Variants in ATP8A2 observed in about 807,000 individuals in gnomAD.
ATP8A2 encodes the protein ATPase phospholipid transporting 8A2.
A neutral mutation model predicts 165.6 loss-of-function variants in ATP8A2; 100 were observed. The observed-to-expected ratio is 0.60, with a 90% CI of 0.51 to 0.71. ATP8A2 has a LOEUF of 0.71. Among genes scored for constraint, ATP8A2 ranks in the 30% least tolerant of loss-of-function variants. The pLI, the probability that ATP8A2 is intolerant of heterozygous loss-of-function variation, is 0.00. For synonymous variants in ATP8A2, 543 were observed against 548.8 expected (o/e 0.99, Z 0.15); for missense variants, 1,227 against 1,479.5 (o/e 0.83, Z 2.80).
rs2041792690 is a variant in ATP8A2, at chr13:25,650,755, G to T, written c.2212-48418G>T. Among the ~76,000 whole-genome samples the T allele has an allele frequency of 2.0e-5, 3 of 152,008 alleles. No individual in the cohort carries two copies. In the South Asian group the frequency reaches 6.2e-4, roughly 32 times the overall value. ...CCTGTATTTATTGACATGATCTTAT[G>T]GTTTTTCTTTTTTAATCTTTTGATT... On this transcript the variant is annotated intron_variant, in intron 24 of 36. Transcript: ENST00000381655.
intron 30 of ATP8A2, among the ~76,000 whole-genome samples, chr13:25,841,206 G>A (rs1489549168): frequency 1.3e-5 from 2 of 152,222 alleles, no homozygotes; most frequent in Non-Finnish European, 2.9e-5. Flanking sequence ...ACCATGGTCA[G>A]TATTTAAAAG....
At position 25,375,143 on chromosome 13, in the gene ATP8A2, G is replaced by A. The variant is rs562700212; in HGVS notation, c.76+2855G>A. ...TGTGACCATGGGGATCCTCTTGCCCGTATAGTGCTTACAGTCTGCTCAGGG... is the reference window on the plus strand; with the variant it reads ...TGTGACCATGGGGATCCTCTTGCCCATATAGTGCTTACAGTCTGCTCAGGG... On this transcript the variant is annotated intron_variant, in intron 1 of 36. Coordinates refer to ENST00000381655, the MANE Select transcript of ATP8A2 (RefSeq NM_016529.6). 1.4e-3 allele frequency among the ~76,000 whole-genome samples: 210 copies of A among 152,230 alleles called. 1 individual carries two copies. Among genetic ancestry groups the A allele is most frequent in the South Asian group, 0.013 (63 of 4,812 alleles).
At chr13:25,860,977 T>G in intron 32 of ATP8A2, 117 bp downstream of exon 32, 1 of 753,970 alleles carries the variant, frequency 1.3e-6, no homozygotes, top group Non-Finnish European at 2.2e-6. Context: ...TCAGATTTTC[T>G]GTGTAAAAAT....
intron 10 of ATP8A2, among the ~76,000 whole-genome samples, chr13:25,544,910 GT>G (rs5802339): frequency 0.038 from 5,119 of 136,108 alleles, 130 homozygotes; most frequent in African/African-American, 0.074. Context: ...TTATGAGTGA[GT>G]TTTTTTTTTT....
chr13:25,655,840 T>C (rs1305030180), intron 24 of ATP8A2, among the ~76,000 whole-genome samples: 1 of 152,196 alleles, frequency 6.6e-6, no homozygotes, highest in Non-Finnish European at 1.5e-5. Context: ...CTTTAGTGAA[T>C]GGGATACGTA....
chr13:25,690,870 G>GT (rs112940095), intron 24 of ATP8A2, among the ~76,000 whole-genome samples: 15,938 of 152,068 alleles, frequency 0.1, 956 homozygotes, highest in East Asian at 0.26. Flanking sequence ...TAATATAAAC[G>GT]TAAGTCTACA....
At chr13:25,373,836 G>T (rs1293276708) in intron 1 of ATP8A2, among the ~76,000 whole-genome samples, 1 of 152,168 alleles carries the variant, frequency 6.6e-6, no homozygotes, top group African/African-American at 2.4e-5. Context: ...AGTGTGCAAG[G>T]CCAGACATAG....
chr13:25,540,474 A>G (rs923218247), intron 8 of ATP8A2, 86 bp downstream of exon 8: 5 of 985,322 alleles, frequency 5.1e-6, no homozygotes, highest in Non-Finnish European at 6.5e-6. Flanking sequence ...GAGAAATAAA[A>G]TATTCAGCCA....
chr13:25,552,278 C>T (rs766400077), intron 11 of ATP8A2, among the ~76,000 whole-genome samples: 26 of 152,136 alleles, frequency 1.7e-4, no homozygotes, highest in Non-Finnish European at 2.5e-4. Flanking sequence ...TGAGTCACCA[C>T]GCCTGGCCAG....
intron 1 of ATP8A2, among the ~76,000 whole-genome samples, chr13:25,464,584 C>A (rs538153614): frequency 2.3e-4 from 35 of 152,150 alleles, no homozygotes; most frequent in African/African-American, 7.7e-4. Context: ...GTTCCCATGT[C>A]AAAGTTCCCA....
chr13:25,704,881 G>A (rs1382566945), intron 25 of ATP8A2, among the ~76,000 whole-genome samples: 1 of 152,148 alleles, frequency 6.6e-6, no homozygotes, highest in Non-Finnish European at 1.5e-5. Flanking sequence ...TAATATCAGG[G>A]CCTATGCTCT....
At position 25,481,437 on chromosome 13, in the gene ATP8A2, T is replaced by G. The variant is rs368589769; in HGVS notation, c.221+12316T>G. ...TGCATCCTTCATTCCTCCTCCATCC[T>G]GAGCCAGGAATGTGGATGCCTGTAT... On this transcript the variant is annotated intron_variant, in intron 2 of 36. Coordinates refer to ENST00000381655, the MANE Select transcript of ATP8A2 (RefSeq NM_016529.6). Among the ~76,000 whole-genome samples, 59 of 152,318 alleles carry G rather than the reference T, an allele frequency of 3.9e-4. No individual in the cohort carries two copies. In the South Asian group the frequency reaches 5.6e-3, roughly 14 times the overall value.
At chr13:25,554,953 A>G in intron 12 of ATP8A2, 38 bp from the exon 13 acceptor site, 1 of 1,289,070 alleles carries the variant, frequency 7.8e-7, no homozygotes, top group African/African-American at 1.5e-5. Context: ...AATGGTATAT[A>G]TTTTCTGAAA....
At chr13:25,928,936 T>C (rs1954688711) in intron 33 of ATP8A2, among the ~76,000 whole-genome samples, 1 of 152,238 alleles carries the variant, frequency 6.6e-6, no homozygotes, top group Non-Finnish European at 1.5e-5. Context: ...GCTCATGTGC[T>C]GAGTCGCAGT....
rs186837017 is a variant in ATP8A2 at position 25,545,873 on chromosome 13, G to A, written c.891+2471G>A. On this transcript the variant is annotated intron_variant, in intron 10 of 36. Coordinates refer to ENST00000381655, the MANE Select transcript of ATP8A2 (RefSeq NM_016529.6). The stretch of plus-strand genomic sequence containing the variant: ...TGGTCTTGAACTTCTGAACTCAAGC[G>A]ATCCACCCACCTTGGCTTCCCAAAG... 3.9e-3 allele frequency among the ~76,000 whole-genome samples: 589 copies of A among 152,276 alleles called. 5 individuals carry two copies. Among genetic ancestry groups the A allele is most frequent in the African/African-American group, 0.014 (561 of 41,550 alleles).
At chr13:25,842,346 G>A (rs574799149) in intron 30 of ATP8A2, among the ~76,000 whole-genome samples, 65 of 152,264 alleles carry the variant, frequency 4.3e-4, no homozygotes, top group African/African-American at 1.5e-3. Flanking sequence ...GCAGATAAAA[G>A]CTGAATTACA....
Position 25,559,722 on chromosome 13 carries a change from C to T in ATP8A2, c.1354C>T (p.His452Tyr), listed in dbSNP as rs771652351. Residue 452 changes from histidine to tyrosine, a missense_variant and splice_region_variant, in exon 15 of 37, where the codon CAC becomes TAC. By Grantham distance (83) the His-to-Tyr change is moderately conservative. Coordinates refer to ENST00000381655, the MANE Select transcript of ATP8A2 (RefSeq NM_016529.6). Reference protein sequence around the residue: ...KCSIAGVTYGHFPELAREPSS... With the variant: ...KCSIAGVTYGYFPELAREPSS... The stretch of plus-strand genomic sequence containing the variant: ...CTCTGTTTTCCGTTTCTCTGGCAGT[C>T]ACTTCCCAGAATTGGCAAGAGAGCC... The T allele has an allele frequency of 1.4e-5, 23 of 1,612,978 alleles. No individual in the cohort carries two copies. The African/African-American group carries it at 2.9e-4, about 21-fold the overall frequency.
At chr13:25,552,331 C>T (rs1336236196) in intron 11 of ATP8A2, among the ~76,000 whole-genome samples, 1 of 152,062 alleles carries the variant, frequency 6.6e-6, no homozygotes, top group Non-Finnish European at 1.5e-5. Flanking sequence ...TTCCAGGTCT[C>T]GCTCTTCATT....
At chr13:25,938,012 T>C (rs1954964071) in intron 33 of ATP8A2, among the ~76,000 whole-genome samples, 1 of 152,080 alleles carries the variant, frequency 6.6e-6, no homozygotes, top group Non-Finnish European at 1.5e-5. Context: ...GTCAAAAGTA[T>C]TCCTGTTTGC....
Sources: gnomAD v4.1 joint callset for allele counts (sites outside exome capture counted in the v4.1 genomes callset) on GRCh38, gnomAD v4.1.1 for gene constraint, MANE v1.5 for transcripts, NCBI Gene and HGNC (gene_info 2026-07-23, HGNC 2026-07-21) for gene names.